KDM2A: variants seen among roughly 807,000 people sequenced by gnomAD.
KDM2A encodes the protein lysine demethylase 2A.
A neutral mutation model predicts 137.3 loss-of-function variants in KDM2A; 3 were observed. The ratio of observed to expected loss-of-function variants is 0.02; its 90% CI spans 0.01 to 0.06. KDM2A has a LOEUF of 0.06. Ranked by LOEUF, KDM2A falls within the 10% of genes least tolerant of loss-of-function variation. The pLI is 1.00. For synonymous variants in KDM2A, 512 were observed against 541.5 expected, an observed-to-expected ratio of 0.95 and a Z score of 0.76; for missense variants, 738 against 1,510.6, an observed-to-expected ratio of 0.49 and a Z score of 8.48.
Position 67,250,098 on chromosome 11 carries a change from G to A in KDM2A, c.2068G>A (p.Glu690Lys). Reference sequence around the variant, plus strand: ...GCCTGTTTTGCAGAAGCGGAAAATGGAAGAGAGTGACGAAGAAGCTGTGCA... The same window carrying A: ...GCCTGTTTTGCAGAAGCGGAAAATGAAAGAGAGTGACGAAGAAGCTGTGCA... Reference protein sequence around the residue: ...SSEKAQKRKMEESDEEAVQAK... With the variant: ...SSEKAQKRKMKESDEEAVQAK... The change falls in exon 17 of 21, where the codon GAA becomes AAA. Residue 690 changes from glutamate (E) to lysine (K), a missense_variant. By Grantham distance (56) the Glu-to-Lys change is moderately conservative. Transcript: ENST00000529006. The surrounding 1 kb of genome is among the most constrained non-coding windows in gnomAD (Gnocchi z 7.1). 2 of 1,585,706 alleles carry A rather than the reference G, an allele frequency of 1.3e-6. No individual in the cohort carries two copies. Among genetic ancestry groups the A allele is most frequent in the Non-Finnish European group, 1.7e-6 (2 of 1,165,660 alleles).
At chr11:67,178,335 G>T (rs1404667241) in intron 2 of KDM2A, among the ~76,000 whole-genome samples, 2 of 152,188 alleles carry the variant, frequency 1.3e-5, no homozygotes, top group African/African-American at 4.8e-5. Flanking sequence ...AGCCTAGGAG[G>T]TTGAGGTTGC....
intron 2 of KDM2A, among the ~76,000 whole-genome samples, chr11:67,141,679 A>AT (rs1856102636): frequency 2.7e-5 from 2 of 74,660 alleles, no homozygotes; most frequent in African/African-American, 1.4e-4. Flanking sequence ...AAAAAAAAAA[A>AT]AAAATATATA....
intron 2 of KDM2A, among the ~76,000 whole-genome samples, chr11:67,153,645 C>T (rs114920302): frequency 1.7e-4 from 26 of 151,998 alleles, no homozygotes; most frequent in African/African-American, 6.0e-4. Flanking sequence ...ATAGTAAGAC[C>T]CAATGTCTAC....
intron 5 of KDM2A, among the ~76,000 whole-genome samples, chr11:67,198,881 C>A (rs1346380582): frequency 6.6e-6 from 1 of 152,016 alleles, no homozygotes; most frequent in Non-Finnish European, 1.5e-5. Flanking sequence ...TGGATTCAAG[C>A]AATTCTCATG....
At chr11:67,200,648 C>G (rs1164860730) in intron 5 of KDM2A, among the ~76,000 whole-genome samples, 3 of 152,072 alleles carry the variant, frequency 2.0e-5, no homozygotes, top group Non-Finnish European at 2.9e-5. Flanking sequence ...GCTGGGACTA[C>G]AAGCACATGC....
intron 1 of KDM2A, among the ~76,000 whole-genome samples, chr11:67,120,913 CT>C (rs879917346): frequency 2.4e-4 from 35 of 146,380 alleles, no homozygotes; most frequent in South Asian, 6.5e-4. Context: ...AAGTCCTGGG[CT>C]TTTTTTTTTT....
At chr11:67,216,199 C>G (rs773761684) in intron 8 of KDM2A, among the ~76,000 whole-genome samples, 4 of 152,134 alleles carry the variant, frequency 2.6e-5, no homozygotes, top group Non-Finnish European at 4.4e-5. Context: ...TTTCTAGATT[C>G]CTGAATCAGA....
chr11:67,146,793 G>A (rs922266150), intron 2 of KDM2A, among the ~76,000 whole-genome samples: 2 of 152,090 alleles, frequency 1.3e-5, no homozygotes, highest in African/African-American at 4.8e-5. Flanking sequence ...ATGAGCCACC[G>A]TGCCTGGAAC....
intron 3 of KDM2A, among the ~76,000 whole-genome samples, chr11:67,180,712 G>T (rs1857072238): frequency 6.6e-6 from 1 of 151,980 alleles, no homozygotes; most frequent in South Asian, 2.1e-4. Context: ...GAGTGCAGTG[G>T]TGCGATCTCG....
chr11:67,145,488 G>GA (rs1565376881), intron 2 of KDM2A, among the ~76,000 whole-genome samples: 2 of 151,492 alleles, frequency 1.3e-5, no homozygotes, highest in South Asian at 4.2e-4. Context: ...TTCATTTTAA[G>GA]AAAAAAAGAT....
rs1472521902 is a variant in KDM2A, at chr11:67,257,537, C to G, written c.*2482C>G. On this transcript the variant is annotated 3_prime_UTR_variant, in exon 21 of 21. Transcript: ENST00000529006. Reference sequence around the variant, plus strand: ...CAGACTGCAGGACCAGAACCCCTGCCTCCATCTTTCCAAGCACCGGGGCGA... The same window carrying G: ...CAGACTGCAGGACCAGAACCCCTGCGTCCATCTTTCCAAGCACCGGGGCGA... The G allele has an allele frequency of 6.6e-6, 1 of 152,398 alleles. No individual in the cohort carries two copies. The highest frequency in any genetic ancestry group is 2.4e-5 in the African/African-American group (1 of 41,342). The allele number at this position is 152,398 out of a possible 1,614,324, so 9.4% of individuals were successfully genotyped here. A position where few individuals can be genotyped will look rare whatever the true frequency, so the allele number is the denominator to read the frequency against.
At chr11:67,228,689 A>G (rs1258011455) in intron 11 of KDM2A, among the ~76,000 whole-genome samples, 1 of 128,438 alleles carries the variant, frequency 7.8e-6, no homozygotes, top group African/African-American at 4.7e-5. Context: ...CTGTTGCGAA[A>G]AAAAAAAAAA....
intron 12 of KDM2A, among the ~76,000 whole-genome samples, chr11:67,239,197 A>G (rs1858953197): frequency 6.6e-6 from 1 of 152,226 alleles, no homozygotes; most frequent in South Asian, 2.1e-4. Context: ...TCTTACAGGC[A>G]GAGGAGACTG....
chr11:67,160,445 C>G (rs539951605), intron 2 of KDM2A, among the ~76,000 whole-genome samples: 1 of 152,144 alleles, frequency 6.6e-6, no homozygotes, highest in East Asian at 1.9e-4. Flanking sequence ...ATTTTGTGAC[C>G]AGTTTGTTAG....
chr11:67,160,498 T>C (rs891669852), intron 2 of KDM2A, among the ~76,000 whole-genome samples: 2 of 152,072 alleles, frequency 1.3e-5, no homozygotes, highest in African/African-American at 4.8e-5. Flanking sequence ...CTGGGCCGGG[T>C]GCGATGTTCA....
At position 67,228,381 on chromosome 11, in the gene KDM2A, A is replaced by G. The variant is rs1029153196; in HGVS notation, c.1084+218A>G. ...GGATCTGATCTTTGTCTGAGTTGCTATTACTTAGCTCCTCAAGAAGGATGA... is the reference window on the plus strand; with the variant it reads ...GGATCTGATCTTTGTCTGAGTTGCTGTTACTTAGCTCCTCAAGAAGGATGA... On this transcript the variant is annotated intron_variant, in intron 11 of 20. Coordinates refer to ENST00000529006, the MANE Select transcript of KDM2A (RefSeq NM_012308.3). Among the ~76,000 whole-genome samples, 65 of 152,128 alleles carry G rather than the reference A, an allele frequency of 4.3e-4. 1 individual carries two copies. Among genetic ancestry groups the G allele is most frequent in the African/African-American group, 1.3e-3 (55 of 41,428 alleles).
At chr11:67,124,585 T>TA (rs1855674535) in intron 2 of KDM2A, among the ~76,000 whole-genome samples, 1 of 150,968 alleles carries the variant, frequency 6.6e-6, no homozygotes, top group Admixed American at 6.6e-5. Context: ...GTGCTGGGAT[T>TA]ACAGGTGCGA....
chr11:67,216,607 T>C (rs531883259), intron 8 of KDM2A, among the ~76,000 whole-genome samples: 1 of 152,350 alleles, frequency 6.6e-6, no homozygotes, highest in African/African-American at 2.4e-5. Flanking sequence ...AGAATGAGAA[T>C]AGATAATGCC....
At position 67,232,882 on chromosome 11, in the gene KDM2A, A is replaced by C. The variant is rs1469941362; in HGVS notation, c.1479+922A>C. On this transcript the variant is annotated intron_variant, in intron 12 of 20. Transcript: ENST00000529006. The stretch of plus-strand genomic sequence containing the variant: ...GCCACCATGCCTGGCTAATTTTTTT[A>C]TATTTTTGATAGAGATGGGGTTTCA... Among the ~76,000 whole-genome samples the C allele has an allele frequency of 2.0e-5, 3 of 151,484 alleles. No homozygotes were observed. The East Asian group carries it at 5.9e-4, about 30-fold the overall frequency.
Sources: gnomAD v4.1 joint callset for allele counts (sites outside exome capture counted in the v4.1 genomes callset) on GRCh38, gnomAD v4.1.1 for gene constraint, Gnocchi (gnomAD v3.1) non-coding constraint, MANE v1.5 for transcripts, NCBI Gene and HGNC (gene_info 2026-07-23, HGNC 2026-07-21) for gene names.